The following UBE2E3 variants were observed in gnomAD, a reference collection of about 807,000 sequenced individuals.
The protein encoded by UBE2E3 is ubiquitin-conjugating enzyme E2 E3.
In UBE2E3, 5 loss-of-function variants were observed where a neutral mutation model predicts 23.6. That is an observed-to-expected ratio of 0.21 (90% CI 0.11 to 0.44). UBE2E3 has a LOEUF of 0.44. Among genes scored for constraint, UBE2E3 ranks in the 20% least tolerant of loss-of-function variants. UBE2E3 has a pLI of 0.99. For synonymous variants in UBE2E3, 78 were observed against 87.5 expected, an observed-to-expected ratio of 0.89 and a Z score of 0.60; for missense variants, 81 against 249.8, an observed-to-expected ratio of 0.32 and a Z score of 4.55.
At position 180,986,705 on chromosome 2, in the gene UBE2E3, A is replaced by T. The variant is rs1030480477; in HGVS notation, c.245+2612A>T. Among the ~76,000 whole-genome samples the T allele has an allele frequency of 1.3e-5, 2 of 152,130 alleles. 1 individual carries two copies. The highest frequency in any genetic ancestry group is 4.8e-5 in the African/African-American group (2 of 41,442). On this transcript the variant is annotated intron_variant, in intron 3 of 5. Transcript: ENST00000410062. ...ATACATTTGGCTTTCGTGTGTAGTTATTTAATCAGAATTCCATTACAGTTT... is the reference window on the plus strand; with the variant it reads ...ATACATTTGGCTTTCGTGTGTAGTTTTTTAATCAGAATTCCATTACAGTTT...
In UBE2E3 at chr2:180,983,141, AATTTTT is replaced by A. The variant is rs562822064; in HGVS notation, c.195-898_195-893del. On this transcript the variant is annotated intron_variant, in intron 2 of 5. Coordinates refer to ENST00000410062, the MANE Select transcript of UBE2E3 (RefSeq NM_006357.4). ...CATTAACCAATTTTGACATTTTGTT[AATTTTT>A]ATTGATAACTAAAGGAAAAAGAATA... Among the ~76,000 whole-genome samples, 610 of 152,340 alleles carry A rather than the reference AATTTTT, an allele frequency of 4.0e-3. 3 individuals carry two copies. Among genetic ancestry groups the A allele is most frequent in the African/African-American group, 0.014 (572 of 41,576 alleles).
chr2:181,029,064 A>G (rs1208896637), intron 3 of UBE2E3, among the ~76,000 whole-genome samples: 1 of 152,018 alleles, frequency 6.6e-6, no homozygotes, highest in Non-Finnish European at 1.5e-5. Flanking sequence ...ATGGATAACT[A>G]TTTGTTTTAG....
chr2:180,984,240 G>C (rs1055240061), intron 3 of UBE2E3, 147 bp downstream of exon 3: 3 of 561,790 alleles, frequency 5.3e-6, no homozygotes, highest in Non-Finnish European at 6.2e-6. Flanking sequence ...TGTAGAAGGT[G>C]AACTAGATAA....
intron 3 of UBE2E3, among the ~76,000 whole-genome samples, chr2:181,024,287 T>C (rs566685133): frequency 6.6e-6 from 1 of 152,128 alleles, no homozygotes; most frequent in Non-Finnish European, 1.5e-5. Flanking sequence ...AAGTGAGCTA[T>C]GAATTAATGT....
intron 3 of UBE2E3, among the ~76,000 whole-genome samples, chr2:181,049,207 CACA>C (rs748745324): frequency 6.6e-6 from 1 of 151,920 alleles, no homozygotes; most frequent in Non-Finnish European, 1.5e-5. Flanking sequence ...TATTATACAC[CACA>C]ATGAATGTGA....
chr2:181,063,181 T>C lies in UBE2E3; in HGVS notation c.*293T>C, dbSNP rs1687206999. ...TACTGGTCCTGAAGTCTACCAAATA[T>C]TATAGTGCATTTTAGCCTAATTCAT... On this transcript the variant is annotated 3_prime_UTR_variant, in exon 6 of 6. Transcript: ENST00000410062. This position sits in a 1 kb window ranked among gnomAD's most constrained non-coding sequence, Gnocchi z 4.1. 1.1e-5 allele frequency: 2 copies of C among 183,752 alleles called. No individual in the cohort carries two copies. The highest frequency in any genetic ancestry group is 2.3e-5 in the Non-Finnish European group (2 of 88,150). The allele number at this position is 183,752 out of a possible 1,614,324, so 11.4% of individuals were successfully genotyped here. A position where few individuals can be genotyped will look rare whatever the true frequency, so the allele number is the denominator to read the frequency against.
intron 3 of UBE2E3, among the ~76,000 whole-genome samples, chr2:181,019,742 G>A (rs1685613570): frequency 6.6e-6 from 1 of 152,072 alleles, no homozygotes; most frequent in South Asian, 2.1e-4. Flanking sequence ...ATTTTGGTAT[G>A]TATATTTTGA....
At chr2:180,990,373 A>G (rs1684619941) in intron 3 of UBE2E3, among the ~76,000 whole-genome samples, 1 of 152,154 alleles carries the variant, frequency 6.6e-6, no homozygotes, top group Non-Finnish European at 1.5e-5. Flanking sequence ...AGACCCTCCT[A>G]TAGATATTTG....
chr2:181,055,968 A>G (rs1468322930), intron 3 of UBE2E3, among the ~76,000 whole-genome samples: 1 of 151,588 alleles, frequency 6.6e-6, no homozygotes, highest in Non-Finnish European at 1.5e-5. Context: ...AGTAGCACCT[A>G]GGACTCAGAT....
intron 3 of UBE2E3, among the ~76,000 whole-genome samples, chr2:180,991,525 A>C (rs578137222): frequency 6.6e-6 from 1 of 152,328 alleles, no homozygotes; most frequent in African/African-American, 2.4e-5. Context: ...GACCACTACC[A>C]AGTGACTAGA....
intron 3 of UBE2E3, among the ~76,000 whole-genome samples, chr2:181,031,516 T>C (rs552799125): frequency 6.6e-6 from 1 of 150,788 alleles, no homozygotes; most frequent in South Asian, 2.1e-4. Context: ...TGTGTTTTTA[T>C]TTATTTAGTC....
intron 3 of UBE2E3, among the ~76,000 whole-genome samples, chr2:181,003,208 T>G (rs1328354952): frequency 2.0e-5 from 3 of 152,246 alleles, no homozygotes; most frequent in African/African-American, 7.2e-5. Flanking sequence ...CCTAAATATA[T>G]TTTCATTGGT....
At chr2:180,980,483 G>A (rs895943280), upstream of UBE2E3, 1 of 149,638 alleles carries the variant, frequency 6.7e-6, no homozygotes, top group Admixed American at 6.6e-5. The surrounding 1 kb of genome is among the most constrained non-coding windows in gnomAD (Gnocchi z 5.5). Context: ...TGGAGAGCGC[G>A]CACGGGAGCG....
intron 3 of UBE2E3, among the ~76,000 whole-genome samples, chr2:181,047,517 A>G (rs1257532004): frequency 6.6e-6 from 1 of 152,134 alleles, no homozygotes; most frequent in African/African-American, 2.4e-5. Context: ...TCCATATCTT[A>G]GTTAATGGCA....
chr2:181,029,141 T>G (rs1290699862), intron 3 of UBE2E3, among the ~76,000 whole-genome samples: 2 of 152,148 alleles, frequency 1.3e-5, no homozygotes, highest in Middle Eastern at 3.2e-3. Flanking sequence ...TTTTGCCTAG[T>G]TCTGTGTTGG....
chr2:181,047,790 C>T (rs1686715795), intron 3 of UBE2E3, among the ~76,000 whole-genome samples: 1 of 151,216 alleles, frequency 6.6e-6, no homozygotes, highest in Non-Finnish European at 1.5e-5. Context: ...CACAGAGCAG[C>T]CTGAGGAGGC....
Position 181,006,422 on chromosome 2 carries a change from A to G in UBE2E3, c.245+22329A>G, listed in dbSNP as rs1441397301. ...TCCACCTTTTGCCGTTCCAGATTCC[A>G]TGAAGGATACTACTTCTGGATCTAG... On this transcript the variant is annotated intron_variant, in intron 3 of 5. Transcript: ENST00000410062. Among the ~76,000 whole-genome samples the G allele has an allele frequency of 2.6e-5, 4 of 151,352 alleles. No individual in the cohort carries two copies. In the East Asian group the frequency reaches 5.8e-4, roughly 22 times the overall value.
At chr2:181,021,581 TC>T (rs1281967752) in intron 3 of UBE2E3, among the ~76,000 whole-genome samples, 1 of 118,946 alleles carries the variant, frequency 8.4e-6, no homozygotes. Flanking sequence ...CCTCCCTCCC[TC>T]CCTTCCTTCC....
At chr2:181,033,310 G>T (rs1417963636) in intron 3 of UBE2E3, among the ~76,000 whole-genome samples, 6 of 152,116 alleles carry the variant, frequency 3.9e-5, no homozygotes, top group East Asian at 3.8e-4. Context: ...CAAAACAGCA[G>T]GGTACTGGTA....
Sources: gnomAD v4.1 joint callset for allele counts (sites outside exome capture counted in the v4.1 genomes callset) on GRCh38, gnomAD v4.1.1 for gene constraint, Gnocchi (gnomAD v3.1) non-coding constraint, MANE v1.5 for transcripts, NCBI Gene and HGNC (gene_info 2026-07-23, HGNC 2026-07-21) for gene names.